SLCO1B3: variants seen among roughly 807,000 people sequenced by gnomAD.
SLCO1B3 encodes solute carrier organic anion transporter family member 1B3.
SLCO1B3 carries 72 observed loss-of-function variants against 71.8 expected under a neutral mutation model. The observed-to-expected ratio is 1.00, with a 90% confidence interval of 0.83 to 1.22. The LOEUF is 1.22. SLCO1B3 is among the 50% of genes most tolerant of loss of function. The pLI is 0.00. For missense variants in SLCO1B3, 911 were observed against 819.7 expected (o/e 1.11, Z -1.36); for synonymous variants, 298 against 278.4 (o/e 1.07, Z -0.70).
At chr12:20,872,597 A>G (rs117428098) in intron 8 of SLCO1B3, among the ~76,000 whole-genome samples, 2,412 of 151,994 alleles carry the variant, frequency 0.016, 31 homozygotes, top group Non-Finnish European at 0.026. Flanking sequence ...ACTTTGCATT[A>G]CTTTGGTACC....
intron 3 of SLCO1B3, among the ~76,000 whole-genome samples, chr12:20,828,070 A>G (rs1029101021): frequency 2.0e-5 from 3 of 152,168 alleles, no homozygotes; most frequent in African/African-American, 7.2e-5. Context: ...GACCAATTTT[A>G]TTTAGATAGG....
rs769914095 is a variant in SLCO1B3 at position 20,877,929 on chromosome 12, T to C, written c.1128T>C (p.Phe376=). 5.0e-6 allele frequency: 8 copies of C among 1,588,078 alleles called. No homozygotes were observed. In the African/African-American group the frequency reaches 8.2e-5, roughly 16 times the overall value. The change falls in exon 10 of 16, where the codon TTT becomes TTC. Residue 376 remains phenylalanine, a synonymous_variant. Coordinates refer to ENST00000381545, the MANE Select transcript of SLCO1B3 (RefSeq NM_019844.4). ...QYGQSASHAN[F]LLGIITIPTV... ...GTCAGTCTGCATCTCATGCTAACTT[T>C]TTGTTGGGTAAGACATATTTTTTAC...
At chr12:20,879,313 C>A (rs1173382626) in intron 10 of SLCO1B3, 123 bp from the exon 11 acceptor site, 2 of 671,022 alleles carry the variant, frequency 3.0e-6, no homozygotes, top group Non-Finnish European at 4.7e-6. Context: ...GGTTCTCCAC[C>A]CTTCTCTTAA....
At chr12:20,816,579 T>A (rs1160077158) in intron 3 of SLCO1B3, among the ~76,000 whole-genome samples, 1 of 152,186 alleles carries the variant, frequency 6.6e-6, no homozygotes, top group Non-Finnish European at 1.5e-5. Context: ...ATGTCCCACT[T>A]TTTTTTACGC....
At chr12:20,848,999 G>A (rs1174893976) in intron 3 of SLCO1B3, among the ~76,000 whole-genome samples, 1 of 152,026 alleles carries the variant, frequency 6.6e-6, no homozygotes, top group African/African-American at 2.4e-5. Context: ...TGGTTCATCA[G>A]TGTAAACAAA....
intron 8 of SLCO1B3, among the ~76,000 whole-genome samples, chr12:20,870,371 C>T (rs1865454264): frequency 6.6e-6 from 1 of 152,002 alleles, no homozygotes; most frequent in African/African-American, 2.4e-5. Context: ...CTTTTATTGC[C>T]TGTGCTTTTG....
intron 11 of SLCO1B3, among the ~76,000 whole-genome samples, chr12:20,879,960 A>G (rs964914650): frequency 2.4e-4 from 37 of 152,190 alleles, no homozygotes; most frequent in African/African-American, 8.4e-4. Context: ...CAATGTTAAG[A>G]TTAAGACACA....
chr12:20,860,372 CTG>C (rs1865235960), intron 5 of SLCO1B3, among the ~76,000 whole-genome samples: 1 of 152,112 alleles, frequency 6.6e-6, no homozygotes, highest in South Asian at 2.1e-4. Context: ...AGTACAAACA[CTG>C]TGTGTTTTAT....
intron 3 of SLCO1B3, chr12:20,845,344 G>C (rs890863427): frequency 4.6e-6 from 1 of 215,322 alleles, no homozygotes; most frequent in African/African-American, 2.4e-5. Context: ...TTAATGTCTT[G>C]GGCGCCCCTT....
chr12:20,858,586 G>T lies in SLCO1B3; in HGVS notation c.359+15G>T, dbSNP rs762773988. 9.5e-6 allele frequency: 15 copies of T among 1,583,464 alleles called. No homozygotes were observed. ...TTCATGGGATAGTAAGTGTTAAACA[G>T]CTCTGAGCCATTTATTATCAGCTAC... On this transcript the variant is annotated intron_variant, in intron 5 of 15. Coordinates refer to ENST00000381545, the MANE Select transcript of SLCO1B3 (RefSeq NM_019844.4).
At chr12:20,892,886 C>T (rs1233357367) in intron 13 of SLCO1B3, among the ~76,000 whole-genome samples, 1 of 152,128 alleles carries the variant, frequency 6.6e-6, no homozygotes, top group African/African-American at 2.4e-5. Context: ...AGGGATGCAG[C>T]TCTTTGTATA....
intron 1 of SLCO1B3, among the ~76,000 whole-genome samples, chr12:20,811,468 ATCTAAGAAG>A (rs1240836089): frequency 6.6e-6 from 1 of 152,208 alleles, no homozygotes; most frequent in African/African-American, 2.4e-5. Flanking sequence ...CCTCTGAACA[ATCTAAGAAG>A]TTAGGAAATG....
chr12:20,899,654 A>G (rs967571340), intron 14 of SLCO1B3, among the ~76,000 whole-genome samples: 1 of 152,132 alleles, frequency 6.6e-6, no homozygotes, highest in Non-Finnish European at 1.5e-5. Context: ...GCAGTTCTCT[A>G]CCTCCAGATT....
chr12:20,865,269 G>A (rs1465117272), intron 8 of SLCO1B3, among the ~76,000 whole-genome samples: 2 of 152,100 alleles, frequency 1.3e-5, no homozygotes, highest in Non-Finnish European at 2.9e-5. Context: ...GTCTGCCTGA[G>A]TTGTTGATTA....
intron 15 of SLCO1B3, among the ~76,000 whole-genome samples, chr12:20,907,496 C>A (rs375370680): frequency 3.6e-3 from 502 of 140,526 alleles, no homozygotes; most frequent in Non-Finnish European, 5.9e-3. Flanking sequence ...TCTTCTCCTC[C>A]CTTCCCTTCC....
At chr12:20,862,681 A>G in intron 7 of SLCO1B3, 75 bp from the exon 8 acceptor site, 3 of 1,447,324 alleles carry the variant, frequency 2.1e-6, no homozygotes, top group Non-Finnish European at 1.9e-6. Context: ...ATTGTATAAT[A>G]TTACTTTTAA....
At chr12:20,856,062 A>G (rs1865128944) in intron 4 of SLCO1B3, among the ~76,000 whole-genome samples, 1 of 152,124 alleles carries the variant, frequency 6.6e-6, no homozygotes, top group African/African-American at 2.4e-5. Context: ...AAGATATGAC[A>G]CTCTACATGT....
rs574599828 is a variant in SLCO1B3, at chr12:20,822,168, C to T, written c.84+6346C>T. 5.3e-5 allele frequency among the ~76,000 whole-genome samples: 8 copies of T among 152,214 alleles called. No homozygotes were observed. The South Asian group carries it at 1.2e-3, about 24-fold the overall frequency. ...ATCTCCCAAGGGAGGTCCCCCGATC[C>T]AAGTCACGGCACCAAATTTCATGTG... On this transcript the variant is annotated intron_variant, in intron 3 of 15. Transcript: ENST00000381545.
In SLCO1B3 at chr12:20,877,836, A is replaced by T; in HGVS notation, c.1035A>T (p.Thr345=). The part of the protein sequence containing the change: ...NPLYVIFLLL[T]LLQVSSFIGS... ...TGTATGTTATATTTCTGCTTTTGAC[A>T]TTGTTACAAGTAAGCAGCTTTATTG... Residue 345 remains threonine, a synonymous_variant, in exon 10 of 16, where the codon ACA becomes ACT. Transcript: ENST00000381545. The T allele has an allele frequency of 6.3e-7, 1 of 1,579,628 alleles. No homozygotes were observed. Among genetic ancestry groups the T allele is most frequent in the Non-Finnish European group, 8.6e-7 (1 of 1,164,114 alleles).
Sources: gnomAD v4.1 joint callset for allele counts (sites outside exome capture counted in the v4.1 genomes callset) on GRCh38, gnomAD v4.1.1 for gene constraint, MANE v1.5 for transcripts, NCBI Gene and HGNC (gene_info 2026-07-23, HGNC 2026-07-21) for gene names.